CHRM3: variants seen among roughly 807,000 people sequenced by gnomAD.
The protein encoded by CHRM3 is muscarinic acetylcholine receptor M3.
Under a neutral mutation model 41.8 loss-of-function variants are expected in CHRM3, and 11 were observed. The observed-to-expected ratio is 0.26, with a 90% CI of 0.17 to 0.44. The LOEUF is 0.44. Ranked by LOEUF, CHRM3 falls within the 20% of genes least tolerant of loss-of-function variation. The pLI is 1.00. For synonymous variants in CHRM3, 297 were observed against 301.4 expected (o/e 0.99, Z 0.15); for missense variants, 571 against 745.4 (o/e 0.77, Z 2.72).
chr1:239,551,043 G>T (rs75611877), intron 3 of CHRM3, among the ~76,000 whole-genome samples: 1 of 149,708 alleles, frequency 6.7e-6, no homozygotes. Flanking sequence ...TATAAAGCAC[G>T]TACATGCTAT....
chr1:239,686,981 G>A (rs1263842591), intron 5 of CHRM3, among the ~76,000 whole-genome samples: 2 of 152,138 alleles, frequency 1.3e-5, no homozygotes, highest in Admixed American at 1.3e-4. Flanking sequence ...ATTAACATAA[G>A]TGCTTTAAAA....
intron 5 of CHRM3, among the ~76,000 whole-genome samples, chr1:239,682,429 C>T (rs1658658513): frequency 1.3e-5 from 2 of 151,978 alleles, no homozygotes; most frequent in South Asian, 4.2e-4. Context: ...TGTCTGGGTT[C>T]AGAATAAAGG....
At chr1:239,711,978 AG>A (rs1311559369) in intron 5 of CHRM3, among the ~76,000 whole-genome samples, 1 of 152,122 alleles carries the variant, frequency 6.6e-6, no homozygotes, top group African/African-American at 2.4e-5. Flanking sequence ...GGCTCCCCAG[AG>A]CCCATCCCCC....
chr1:239,670,808 A>G (rs925508624), intron 4 of CHRM3, among the ~76,000 whole-genome samples: 5 of 151,238 alleles, frequency 3.3e-5, no homozygotes, highest in African/African-American at 9.8e-5. Context: ...GGGATAATTG[A>G]GTTTTTTCTT....
rs573392566 is a variant in CHRM3 at position 239,656,201 on chromosome 1, A to G, written c.-249-21985A>G. Among the ~76,000 whole-genome samples the G allele has an allele frequency of 2.9e-4, 44 of 152,252 alleles. No homozygotes were observed. In the South Asian group the frequency reaches 8.7e-3, roughly 30 times the overall value. ...AGGGTTGAAAAATTACCTCTGGGGT[A>G]CCATGTTCATTATTTGGTTAACAGG... On this transcript the variant is annotated intron_variant, in intron 4 of 6. Coordinates refer to ENST00000676153, the MANE Select transcript of CHRM3 (RefSeq NM_001375978.1).
At chr1:239,653,171 A>T (rs576654768) in intron 4 of CHRM3, among the ~76,000 whole-genome samples, 2 of 152,248 alleles carry the variant, frequency 1.3e-5, no homozygotes, top group Admixed American at 1.3e-4. Flanking sequence ...ATAGCCAAGG[A>T]GCCGCCTGGA....
At chr1:239,813,494 T>A (rs1318227047) in intron 5 of CHRM3, among the ~76,000 whole-genome samples, 3 of 152,166 alleles carry the variant, frequency 2.0e-5, no homozygotes, top group African/African-American at 7.2e-5. Context: ...TTCTTTATAC[T>A]ATTAATTTTT....
rs1019485250 is a variant in CHRM3 at position 239,913,204 on chromosome 1, T to C, written c.*3980T>C. ...ATTTGTTGGCAAACCCGGAGTAGTA[T>C]GGTTTCAAATACCACTCCAACCCAG... On this transcript the variant is annotated 3_prime_UTR_variant, in exon 7 of 7. Transcript: ENST00000676153. The C allele has an allele frequency of 6.0e-6, 1 of 167,086 alleles. No individual in the cohort carries two copies. The highest frequency in any genetic ancestry group is 2.4e-5 in the African/African-American group (1 of 41,454). The allele number at this position is 167,086 out of a possible 1,614,324, so 10.4% of individuals were successfully genotyped here.
chr1:239,447,964 A>G (rs904946979), intron 1 of CHRM3, among the ~76,000 whole-genome samples: 1 of 152,178 alleles, frequency 6.6e-6, no homozygotes, highest in African/African-American at 2.4e-5. Flanking sequence ...GTTGCTGAGA[A>G]TAAACCCAAT....
chr1:239,438,314 A>G (rs927198856), intron 1 of CHRM3, among the ~76,000 whole-genome samples: 3 of 152,070 alleles, frequency 2.0e-5, no homozygotes, highest in Non-Finnish European at 2.9e-5. Context: ...TTTCATACAC[A>G]CACACACTCA....
intron 5 of CHRM3, among the ~76,000 whole-genome samples, chr1:239,722,501 A>T (rs1365057999): frequency 6.6e-6 from 1 of 151,946 alleles, no homozygotes; most frequent in Non-Finnish European, 1.5e-5. Context: ...TCTAGTCTTA[A>T]TATCATTGCC....
rs548333834 is a variant in CHRM3, at chr1:239,636,708, G to GT, written c.-250+4427dup. ...GCTGATCTGTTGAGGAGAAAAATCTGTTTTTAAAATTGTGCAAAGGAAGGG... is the reference window on the plus strand; with the variant it reads ...GCTGATCTGTTGAGGAGAAAAATCTGTTTTTTAAAATTGTGCAAAGGAAGGG... On this transcript the variant is annotated intron_variant, in intron 4 of 6. Coordinates refer to ENST00000676153, the MANE Select transcript of CHRM3 (RefSeq NM_001375978.1). Among the ~76,000 whole-genome samples the GT allele has an allele frequency of 3.0e-4, 46 of 152,304 alleles. 1 individual carries two copies. In the South Asian group the frequency reaches 6.6e-3, roughly 22 times the overall value.
intron 3 of CHRM3, among the ~76,000 whole-genome samples, chr1:239,581,384 G>A (rs186673971): frequency 6.2e-4 from 82 of 131,824 alleles, no homozygotes; most frequent in Middle Eastern, 5.6e-3. Flanking sequence ...ACAAAGTTAG[G>A]ATTCAAATAC....
At chr1:239,492,863 CAG>C (rs1224164422) in intron 2 of CHRM3, 56 bp downstream of exon 2, 1 of 152,192 alleles carries the variant, frequency 6.6e-6, no homozygotes, top group Non-Finnish European at 1.5e-5. Context: ...CATCAGTACT[CAG>C]AGTGATCAAG....
At chr1:239,753,279 A>G (rs1665978663) in intron 5 of CHRM3, among the ~76,000 whole-genome samples, 1 of 152,112 alleles carries the variant, frequency 6.6e-6, no homozygotes, top group African/African-American at 2.4e-5. Context: ...GGGATACCTA[A>G]TATTAATAAT....
intron 5 of CHRM3, among the ~76,000 whole-genome samples, chr1:239,781,796 TC>T (rs1668528110): frequency 6.6e-6 from 1 of 152,146 alleles, no homozygotes; most frequent in Non-Finnish European, 1.5e-5. Context: ...TTCCCTCTCT[TC>T]TTTGTTTACT....
At chr1:239,509,906 G>A (rs1468640740) in intron 2 of CHRM3, among the ~76,000 whole-genome samples, 1 of 152,086 alleles carries the variant, frequency 6.6e-6, no homozygotes, top group Non-Finnish European at 1.5e-5. Context: ...TGGCCAACAT[G>A]GCGAAACCCC....
intron 3 of CHRM3, among the ~76,000 whole-genome samples, chr1:239,631,243 G>A (rs1325366050): frequency 1.3e-5 from 2 of 151,982 alleles, no homozygotes; most frequent in East Asian, 1.9e-4. Flanking sequence ...AAACTCTCTC[G>A]AAGTTTGCTC....
In CHRM3 at chr1:239,839,880, A is replaced by G. The variant is rs544799961; in HGVS notation, c.-20+12502A>G. ...GTAGAAGTGAAGGAAAGAAAGGAAG[A>G]AAGGAAGGTAGACATAGGCTAGGCT... On this transcript the variant is annotated intron_variant, in intron 6 of 6. Coordinates refer to ENST00000676153, the MANE Select transcript of CHRM3 (RefSeq NM_001375978.1). Among the ~76,000 whole-genome samples, 3 of 152,272 alleles carry G rather than the reference A, an allele frequency of 2.0e-5. No homozygotes were observed. The South Asian group carries it at 6.2e-4, about 32-fold the overall frequency.
Sources: allele counts gnomAD v4.1 joint callset (sites outside exome capture counted in the v4.1 genomes callset), GRCh38; gene constraint gnomAD v4.1.1; transcripts MANE v1.5; gene names NCBI Gene and HGNC (gene_info 2026-07-23, HGNC 2026-07-21).